Variants in GPC3 observed in about 807,000 individuals in gnomAD.
GPC3 encodes glypican 3.
In GPC3, 3 loss-of-function variants were observed where a neutral mutation model predicts 34.4. That is an observed-to-expected ratio of 0.09 (90% confidence interval 0.04 to 0.23). The LOEUF (loss-of-function observed/expected upper bound fraction) is 0.23. Among genes scored for constraint, GPC3 ranks in the 10% least tolerant of loss-of-function variants. GPC3 has a pLI of 1.00. For synonymous variants in GPC3, 177 were observed against 174.0 expected (o/e 1.02, Z -0.13); for missense variants, 351 against 445.6 (o/e 0.79, Z 1.91).
intron 2 of GPC3, among the ~76,000 whole-genome samples, chrX:133,923,861 T>C (rs984366975): frequency 1.8e-5 from 2 of 112,426 alleles, no homozygotes; most frequent in African/African-American, 6.5e-5. Flanking sequence ...TCGGCTTTGC[T>C]TTACTGCCAC....
chrX:133,563,459 G>A (rs2069556375), intron 7 of GPC3, among the ~76,000 whole-genome samples: 1 of 111,669 alleles, frequency 9.0e-6, no homozygotes, highest in Non-Finnish European at 1.9e-5. Flanking sequence ...ATACATACTT[G>A]TACTTAGTGA....
At chrX:133,695,914 T>C (rs1348670107) in intron 4 of GPC3, among the ~76,000 whole-genome samples, 3 of 112,246 alleles carry the variant, frequency 2.7e-5, no homozygotes, top group Middle Eastern at 4.2e-3. Context: ...GATAGGCTTG[T>C]TCTCTGAGTT....
intron 2 of GPC3, among the ~76,000 whole-genome samples, chrX:133,761,114 A>G (rs2071785743): frequency 9.0e-6 from 1 of 111,636 alleles, no homozygotes; most frequent in South Asian, 3.8e-4. Flanking sequence ...GTTTTCACAT[A>G]CAATAGATGC....
At chrX:133,672,128 AAGG>A (rs891403515) in intron 5 of GPC3, among the ~76,000 whole-genome samples, 2 of 111,388 alleles carry the variant, frequency 1.8e-5, no homozygotes, top group African/African-American at 6.5e-5. Flanking sequence ...TACCCACTAC[AAGG>A]AGAAGAGTCT....
At chrX:133,567,909 C>A (rs1014153747) in intron 7 of GPC3, among the ~76,000 whole-genome samples, 16 of 112,146 alleles carry the variant, frequency 1.4e-4, no homozygotes, top group African/African-American at 3.9e-4. Context: ...CTTTATGATA[C>A]CTTTCAAAGA....
intron 2 of GPC3, among the ~76,000 whole-genome samples, chrX:133,843,998 A>G (rs1252494877): frequency 1.8e-5 from 2 of 112,029 alleles, no homozygotes; most frequent in African/African-American, 6.5e-5. Flanking sequence ...AATCATCACC[A>G]GAAAGTGAAA....
At chrX:133,818,588 T>G (rs777193967) in intron 2 of GPC3, among the ~76,000 whole-genome samples, 21 of 111,724 alleles carry the variant, frequency 1.9e-4, no homozygotes, top group Non-Finnish European at 3.6e-4. Context: ...TCCTTAGGTG[T>G]TGTTATTGAA....
intron 3 of GPC3, among the ~76,000 whole-genome samples, chrX:133,716,640 G>GA (rs2071316229): frequency 9.0e-6 from 1 of 111,517 alleles, no homozygotes; most frequent in African/African-American, 3.3e-5. Flanking sequence ...GGAAGATGAA[G>GA]AAAAAAGAAT....
At chrX:133,898,216 T>C (rs745574750) in intron 2 of GPC3, among the ~76,000 whole-genome samples, 10 of 111,805 alleles carry the variant, frequency 8.9e-5, no homozygotes, top group Non-Finnish European at 1.5e-4. Flanking sequence ...CAGCAGTAGG[T>C]CAGAGGCAAA....
intron 3 of GPC3, among the ~76,000 whole-genome samples, chrX:133,750,651 T>C (rs1472824165): frequency 8.9e-6 from 1 of 112,441 alleles, no homozygotes; most frequent in Non-Finnish European, 1.9e-5. Context: ...ATCCAGCACC[T>C]AGCAAAGTGC....
At chrX:133,867,013 C>A (rs2075971079) in intron 2 of GPC3, among the ~76,000 whole-genome samples, 1 of 110,434 alleles carries the variant, frequency 9.1e-6, no homozygotes, top group Non-Finnish European at 1.9e-5. Flanking sequence ...GCCTGGCCAA[C>A]ATGGTGAAAC....
At chrX:133,825,731 A>G (rs2075742958) in intron 2 of GPC3, among the ~76,000 whole-genome samples, 1 of 112,143 alleles carries the variant, frequency 8.9e-6, no homozygotes, top group Non-Finnish European at 1.9e-5. Context: ...CATCCTCGGG[A>G]AAGACCTGAG....
chrX:133,826,909 C>T (rs906806593), intron 2 of GPC3, among the ~76,000 whole-genome samples: 1 of 111,805 alleles, frequency 8.9e-6, no homozygotes, highest in African/African-American at 3.2e-5. Flanking sequence ...GCTGAGAATA[C>T]CTGTCAAACA....
intron 2 of GPC3, among the ~76,000 whole-genome samples, chrX:133,943,815 A>G (rs2076355209): frequency 9.0e-6 from 1 of 111,681 alleles, no homozygotes; most frequent in Non-Finnish European, 1.9e-5. Context: ...CTGGAAGAAA[A>G]GACAACCAGC....
At chrX:133,891,927 T>A (rs1484854917) in intron 2 of GPC3, among the ~76,000 whole-genome samples, 1 of 111,153 alleles carries the variant, frequency 9.0e-6, no homozygotes, top group East Asian at 2.8e-4. Context: ...AAGTAGCGAA[T>A]CTGTGTGAGA....
intron 7 of GPC3, among the ~76,000 whole-genome samples, chrX:133,563,505 G>T (rs1455325755): frequency 8.9e-6 from 1 of 112,057 alleles, no homozygotes; most frequent in Non-Finnish European, 1.9e-5. Context: ...TATACATTTT[G>T]CTCAAAAGAG....
intron 7 of GPC3, among the ~76,000 whole-genome samples, chrX:133,582,044 TGTAA>T (rs925360213): frequency 1.8e-5 from 2 of 111,528 alleles, no homozygotes; most frequent in Admixed American, 1.9e-4. Flanking sequence ...ATTTCTGTGG[TGTAA>T]GTATTTCTAT....
chrX:133,608,583 T>A (rs2070074213), intron 6 of GPC3, among the ~76,000 whole-genome samples: 1 of 112,230 alleles, frequency 8.9e-6, no homozygotes, highest in Non-Finnish European at 1.9e-5. Context: ...AAATGAGAAT[T>A]CTTGCCTCTA....
chrX:133,559,927 T>C (rs1301769987), intron 7 of GPC3, among the ~76,000 whole-genome samples: 1 of 111,444 alleles, frequency 9.0e-6, no homozygotes, highest in Non-Finnish European at 1.9e-5. Context: ...TCCTGTCTCT[T>C]TCTCTCTCTC....
Sources: allele counts gnomAD v4.1 joint callset (sites outside exome capture counted in the v4.1 genomes callset), GRCh38; gene constraint gnomAD v4.1.1; transcripts MANE v1.5; gene names NCBI Gene and HGNC (gene_info 2026-07-23, HGNC 2026-07-21).